Variants in NFIL3 observed in about 807,000 individuals in gnomAD.
NFIL3 encodes nuclear factor, interleukin 3 regulated.
A neutral mutation model predicts 10.0 loss-of-function variants in NFIL3; 5 were observed. The observed-to-expected ratio is 0.50, with a 90% CI of 0.26 to 1.06. The LOEUF (loss-of-function observed/expected upper bound fraction) is 1.06. Among genes scored for constraint, NFIL3 ranks in the 50% least tolerant of loss-of-function variants. The probability of loss-of-function intolerance (pLI) is 0.13; values close to 1 mark genes in which losing one functional copy is unlikely to be tolerated. For synonymous variants in NFIL3, 202 were observed against 206.5 expected (o/e 0.98, Z 0.19); for missense variants, 436 against 547.6 (o/e 0.80, Z 2.03).
chr9:91,412,852 C>CA (rs769413699), intron 1 of NFIL3, among the ~76,000 whole-genome samples: 1,175 of 59,904 alleles, frequency 0.02, 13 homozygotes, highest in African/African-American at 0.049. Context: ...GACTTCGTCT[C>CA]AAAAAAAAAA....
chr9:91,409,709 A>G lies in NFIL3; in HGVS notation c.1026T>C (p.Asp342=). 2.5e-6 allele frequency: 4 copies of G among 1,614,208 alleles called. No individual in the cohort carries two copies. The highest frequency in any genetic ancestry group is 3.4e-6 in the Non-Finnish European group (4 of 1,180,042). ...KAMQIKVEAF[D]NEFEATQKLS... Reference sequence around the variant, plus strand: ...GTTTTTGCGTGGCCTCAAATTCATTATCAAAGGCTTCTACTTTGATCTGCA... The same window carrying G: ...GTTTTTGCGTGGCCTCAAATTCATTGTCAAAGGCTTCTACTTTGATCTGCA... The change falls in exon 2 of 2, where the codon GAT becomes GAC. Residue 342 remains aspartate (D), a synonymous_variant. Transcript: ENST00000297689.
chr9:91,471,486 C>CTTTTTTTTT, the NFIL3 span, among the ~76,000 whole-genome samples: 2 of 132,076 alleles, frequency 1.5e-5, no homozygotes, highest in African/African-American at 2.8e-5. Flanking sequence ...CAGTCTGTGT[C>CTTTTTTTTT]TTTTTTTTTT....
At chr9:91,413,837 G>A (rs147995085) in intron 1 of NFIL3, among the ~76,000 whole-genome samples, 1 of 151,860 alleles carries the variant, frequency 6.6e-6, no homozygotes, top group African/African-American at 2.4e-5. Flanking sequence ...ATCCCTTGCA[G>A]ACTATTATTC....
the NFIL3 span, among the ~76,000 whole-genome samples, chr9:91,461,184 C>G: frequency 6.6e-6 from 1 of 152,188 alleles, no homozygotes; most frequent in South Asian, 2.1e-4. Flanking sequence ...CAACCAACCC[C>G]ATCTTATTTA....
the NFIL3 span, among the ~76,000 whole-genome samples, chr9:91,468,182 A>G: frequency 6.6e-6 from 1 of 152,328 alleles, no homozygotes; most frequent in African/African-American, 2.4e-5. Flanking sequence ...ATTTCTCCAC[A>G]TCCTCTCCAG....
In NFIL3 at chr9:91,410,813, G is replaced by C; in HGVS notation, c.-79C>G. On this transcript the variant is annotated 5_prime_UTR_variant, in exon 2 of 2. Coordinates refer to ENST00000297689, the MANE Select transcript of NFIL3 (RefSeq NM_005384.3). This position sits in a 1 kb window ranked among gnomAD's most constrained non-coding sequence, Gnocchi z 5.7. Reference sequence around the variant, plus strand: ...TATTCTCAAGCTCTTTAAAAACTCTGGTTTAAAATCCATCAATATTCTTCC... The same window carrying C: ...TATTCTCAAGCTCTTTAAAAACTCTCGTTTAAAATCCATCAATATTCTTCC... 1 of 1,392,718 alleles carries C rather than the reference G, an allele frequency of 7.2e-7. No individual in the cohort carries two copies. Among genetic ancestry groups the C allele is most frequent in the African/African-American group, 1.4e-5 (1 of 69,256 alleles). The allele number at this position is 1,392,718 out of a possible 1,614,324, so 86.3% of individuals were successfully genotyped here. A position where few individuals can be genotyped will look rare whatever the true frequency, so the allele number is the denominator to read the frequency against.
the NFIL3 span, among the ~76,000 whole-genome samples, chr9:91,476,711 G>A: frequency 6.6e-6 from 1 of 152,150 alleles, no homozygotes; most frequent in Non-Finnish European, 1.5e-5. Flanking sequence ...TAGCTGAAAA[G>A]GCATTCAATA....
chr9:91,439,908 G>A, the NFIL3 span, among the ~76,000 whole-genome samples: 5 of 151,988 alleles, frequency 3.3e-5, no homozygotes, highest in Non-Finnish European at 7.4e-5. Context: ...TGTTGAATTC[G>A]GTTTGATAAT....
At chr9:91,473,703 C>T in the NFIL3 span, among the ~76,000 whole-genome samples, 1 of 152,238 alleles carries the variant, frequency 6.6e-6, no homozygotes, top group African/African-American at 2.4e-5. Context: ...GGCTCACCCT[C>T]CGTGGGCTGC....
chr9:91,451,328 C>A, the NFIL3 span, among the ~76,000 whole-genome samples: 9 of 152,014 alleles, frequency 5.9e-5, no homozygotes, highest in East Asian at 1.9e-4. Context: ...TCATCAGTTC[C>A]TCTGAGAAAC....
rs748983397 is a variant in NFIL3, at chr9:91,409,424, T to A, written c.1311A>T (p.Ile437=). ...AGACAACCTCTGCAGATAAGTTTGC[T>A]ATCCCCTGCTTCAAATACAAGTTCT... is the stretch of plus-strand genomic sequence containing the variant. ...DPENLYLKQG[I]ANLSAEVVSL... The change falls in exon 2 of 2, where the codon ATA becomes ATT. Residue 437 remains isoleucine (I), a synonymous_variant. Coordinates refer to ENST00000297689, the MANE Select transcript of NFIL3 (RefSeq NM_005384.3). 2.4e-5 allele frequency: 38 copies of A among 1,613,770 alleles called. No homozygotes were observed. The South Asian group carries it at 3.4e-4, about 14-fold the overall frequency.
chr9:91,446,910 A>G, the NFIL3 span, among the ~76,000 whole-genome samples: 1 of 151,514 alleles, frequency 6.6e-6, no homozygotes, highest in Admixed American at 6.6e-5. Context: ...CTACCTCCTG[A>G]GTTCAAGTGA....
the NFIL3 span, among the ~76,000 whole-genome samples, chr9:91,441,363 T>G: frequency 6.6e-6 from 1 of 152,194 alleles, no homozygotes; most frequent in African/African-American, 2.4e-5. Context: ...TGGAATATCT[T>G]CTTCTATCCT....
the NFIL3 span, among the ~76,000 whole-genome samples, chr9:91,465,494 T>C: frequency 6.6e-6 from 1 of 151,388 alleles, no homozygotes; most frequent in Admixed American, 6.6e-5. Context: ...TGTTTTTTTT[T>C]GCATCTTGTC....
At chr9:91,445,861 G>T in the NFIL3 span, among the ~76,000 whole-genome samples, 1 of 152,240 alleles carries the variant, frequency 6.6e-6, no homozygotes, top group South Asian at 2.1e-4. Context: ...TAGCTCAGGG[G>T]TAGGTTGTAG....
At chr9:91,429,470 C>T in the NFIL3 span, among the ~76,000 whole-genome samples, 5 of 152,196 alleles carry the variant, frequency 3.3e-5, no homozygotes, top group African/African-American at 1.2e-4. Context: ...ATAACCTTCC[C>T]TTGGCCTAAT....
the NFIL3 span, among the ~76,000 whole-genome samples, chr9:91,439,015 C>G: frequency 6.6e-6 from 1 of 152,092 alleles, no homozygotes; most frequent in Non-Finnish European, 1.5e-5. Flanking sequence ...CTTTGTCGTT[C>G]CATATGAATT....
chr9:91,433,992 C>T, the NFIL3 span, among the ~76,000 whole-genome samples: 1 of 151,846 alleles, frequency 6.6e-6, no homozygotes, highest in Admixed American at 6.6e-5. Context: ...TAACAGAAGC[C>T]AAACAAGTAA....
chr9:91,483,451 A>G, the NFIL3 span, among the ~76,000 whole-genome samples: 1 of 152,264 alleles, frequency 6.6e-6, no homozygotes, highest in African/African-American at 2.4e-5. Context: ...AGGAAAAGTC[A>G]GGGTACCAGG....
Sources: allele counts gnomAD v4.1 joint callset (sites outside exome capture counted in the v4.1 genomes callset), GRCh38; gene constraint gnomAD v4.1.1; non-coding constraint Gnocchi (gnomAD v3.1); transcripts MANE v1.5; gene names NCBI Gene and HGNC (gene_info 2026-07-23, HGNC 2026-07-21).